Variants in LINGO2 observed in about 807,000 individuals in gnomAD.
LINGO2 encodes leucine rich repeat and Ig domain containing 2.
Under a neutral mutation model 30.6 loss-of-function variants are expected in LINGO2, and 14 were observed. That is an observed-to-expected ratio of 0.46 (90% confidence interval 0.30 to 0.72). The LOEUF (loss-of-function observed/expected upper bound fraction) is 0.72. Among genes scored for constraint, LINGO2 ranks in the 30% least tolerant of loss-of-function variants. The pLI, the probability that LINGO2 is intolerant of heterozygous loss-of-function variation, is 0.07. For missense variants in LINGO2, 729 were observed against 751.7 expected, an observed-to-expected ratio of 0.97 and a Z score of 0.35; for synonymous variants, 317 against 288.5, an observed-to-expected ratio of 1.10 and a Z score of -1.00.
the LINGO2 span, among the ~76,000 whole-genome samples, chr9:29,071,515 ATATG>A: frequency 0.056 from 3,983 of 71,432 alleles, 51 homozygotes; most frequent in Non-Finnish European, 0.062. Context: ...ATATATATAT[ATATG>A]TATATGTATA....
At chr9:28,850,041 T>C in the LINGO2 span, among the ~76,000 whole-genome samples, 1 of 152,048 alleles carries the variant, frequency 6.6e-6, no homozygotes. Context: ...GTGCTTATAA[T>C]ACCCACTTTA....
At position 28,329,293 on chromosome 9, in the gene LINGO2, T is replaced by C. The variant is rs574930800; in HGVS notation, c.-245-33927A>G. Among the ~76,000 whole-genome samples the C allele has an allele frequency of 2.0e-5, 3 of 152,232 alleles. No individual in the cohort carries two copies. Among genetic ancestry groups the C allele is most frequent in the Admixed American group, 2.0e-4 (3 of 15,286 alleles). On this transcript the variant is annotated intron_variant, in intron 3 of 5. Transcript: ENST00000379992. This position sits in a 1 kb window ranked among gnomAD's most constrained non-coding sequence, Gnocchi z 4.5. ...CATTTCTAGTCATAATTCTGTCCCA[T>C]GGCACAAAGCAGAGCTTCTTATTTC...
At chr9:28,770,446 T>C in the LINGO2 span, among the ~76,000 whole-genome samples, 1 of 152,166 alleles carries the variant, frequency 6.6e-6, no homozygotes, top group Admixed American at 6.5e-5. Flanking sequence ...CACCTGCTTG[T>C]ACTCTGCTGT....
rs1005029997 is a variant in LINGO2 at position 28,519,205 on chromosome 9, AT to A, written c.-364-43181del. 9.5e-5 allele frequency among the ~76,000 whole-genome samples: 14 copies of A among 147,282 alleles called. No homozygotes were observed. In the South Asian group the frequency reaches 1.5e-3, roughly 16 times the overall value. On this transcript the variant is annotated intron_variant, in intron 1 of 5. Coordinates refer to ENST00000379992, the Ensembl canonical transcript of LINGO2. ...TGCCACTACGTCCAGACAATTTTGT[AT>A]TTTTTTTTTAGTAGAGATGGGGTTT...
chr9:28,956,519 C>A, the LINGO2 span, among the ~76,000 whole-genome samples: 1 of 152,006 alleles, frequency 6.6e-6, no homozygotes, highest in Non-Finnish European at 1.5e-5. Flanking sequence ...AATGCTTGTG[C>A]ACTAGAAGAT....
intron 4 of LINGO2, among the ~76,000 whole-genome samples, chr9:28,067,760 A>C (rs943485282): frequency 6.6e-6 from 1 of 152,158 alleles, no homozygotes; most frequent in African/African-American, 2.4e-5. Flanking sequence ...AATATCTCAC[A>C]TTTTATCAAC....
intron 3 of LINGO2, among the ~76,000 whole-genome samples, chr9:28,352,021 A>T (rs1365572580): frequency 6.6e-6 from 1 of 151,280 alleles, no homozygotes; most frequent in Non-Finnish European, 1.5e-5. Flanking sequence ...AGAGCTATCT[A>T]TGACAAACCC....
intron 2 of LINGO2, among the ~76,000 whole-genome samples, chr9:28,377,456 T>C (rs1338545745): frequency 1.3e-5 from 2 of 152,216 alleles, no homozygotes; most frequent in African/African-American, 2.4e-5. Flanking sequence ...CTACTGTTTA[T>C]GTTATCAGTA....
intron 2 of LINGO2, among the ~76,000 whole-genome samples, chr9:28,408,663 A>C (rs1822613520): frequency 6.6e-6 from 1 of 151,698 alleles, no homozygotes; most frequent in Non-Finnish European, 1.5e-5. Context: ...AGATATACCT[A>C]ATGCTAAATG....
At chr9:28,120,286 G>A (rs1013323636) in intron 4 of LINGO2, among the ~76,000 whole-genome samples, 2 of 152,270 alleles carry the variant, frequency 1.3e-5, no homozygotes, top group East Asian at 1.9e-4. Flanking sequence ...ATACCTTAAC[G>A]CCTGTCACAA....
At chr9:29,147,010 A>G in the LINGO2 span, among the ~76,000 whole-genome samples, 2 of 152,166 alleles carry the variant, frequency 1.3e-5, no homozygotes, top group East Asian at 3.8e-4. Flanking sequence ...GATAATTTTC[A>G]CGTTAAACAC....
the LINGO2 span, among the ~76,000 whole-genome samples, chr9:29,078,326 A>G: frequency 6.6e-6 from 1 of 151,976 alleles, no homozygotes; most frequent in South Asian, 2.1e-4. Context: ...TTTTCACTTT[A>G]ATAACTTGTT....
At chr9:28,563,594 G>C (rs951389532) in intron 1 of LINGO2, among the ~76,000 whole-genome samples, 11 of 152,106 alleles carry the variant, frequency 7.2e-5, no homozygotes, top group Admixed American at 2.6e-4. Context: ...AAGAACAAAT[G>C]CTTGATAGAA....
intron 4 of LINGO2, among the ~76,000 whole-genome samples, chr9:28,153,597 C>A (rs775851633): frequency 6.6e-6 from 1 of 152,174 alleles, no homozygotes; most frequent in Non-Finnish European, 1.5e-5. Context: ...CAACATTTGA[C>A]CAAAGTGATT....
At chr9:29,179,187 ATATATATATATATATG>A in the LINGO2 span, among the ~76,000 whole-genome samples, 1 of 79,920 alleles carries the variant, frequency 1.3e-5, no homozygotes, top group Middle Eastern at 5.7e-3. Context: ...ATATATATAT[ATATATATATATATATG>A]TTTCACTCCT....
intron 3 of LINGO2, among the ~76,000 whole-genome samples, chr9:28,371,260 T>G (rs1820884489): frequency 6.6e-6 from 1 of 152,224 alleles, no homozygotes; most frequent in South Asian, 2.1e-4. Flanking sequence ...TTTTAAACTT[T>G]TATAACGAGA....
chr9:28,283,666 T>C (rs1463495703), intron 4 of LINGO2, among the ~76,000 whole-genome samples: 1 of 152,162 alleles, frequency 6.6e-6, no homozygotes, highest in Non-Finnish European at 1.5e-5. Context: ...CTTAGTAAAT[T>C]ACATTCCTTT....
the LINGO2 span, among the ~76,000 whole-genome samples, chr9:29,162,299 A>G: frequency 6.6e-6 from 1 of 152,254 alleles, no homozygotes; most frequent in Non-Finnish European, 1.5e-5. Flanking sequence ...AAATTCATAT[A>G]GAAATCCTTT....
intron 4 of LINGO2, among the ~76,000 whole-genome samples, chr9:28,041,257 G>A (rs1005495068): frequency 1.3e-5 from 2 of 152,144 alleles, no homozygotes; most frequent in African/African-American, 4.8e-5. Flanking sequence ...CATACAATGT[G>A]GCAAGAATTC....
Sources: allele counts gnomAD v4.1 joint callset (sites outside exome capture counted in the v4.1 genomes callset), GRCh38; gene constraint gnomAD v4.1.1; non-coding constraint Gnocchi (gnomAD v3.1); transcripts MANE v1.5; gene names NCBI Gene and HGNC (gene_info 2026-07-23, HGNC 2026-07-21).